Variants in GASK1B observed in about 807,000 individuals in gnomAD.
The protein encoded by GASK1B is golgi associated kinase 1B.
Under a neutral mutation model 42.8 loss-of-function variants are expected in GASK1B, and 34 were observed. The observed-to-expected ratio is 0.79, with a 90% CI of 0.60 to 1.06. GASK1B has a LOEUF of 1.06. GASK1B is among the 50% of genes least tolerant of loss of function. The pLI is 0.00. For synonymous variants in GASK1B, 262 were observed against 259.1 expected (o/e 1.01, Z -0.11); for missense variants, 686 against 661.0 (o/e 1.04, Z -0.42).
intron 2 of GASK1B, among the ~76,000 whole-genome samples, chr4:158,165,981 T>C (rs1472750655): frequency 6.6e-6 from 1 of 152,212 alleles, no homozygotes; most frequent in Non-Finnish European, 1.5e-5. Context: ...AATACTTCAT[T>C]ATTGCACACA....
At chr4:158,165,357 T>C (rs1223485790) in intron 2 of GASK1B, among the ~76,000 whole-genome samples, 3 of 152,196 alleles carry the variant, frequency 2.0e-5, no homozygotes, top group African/African-American at 7.2e-5. Context: ...ATTATCGAAA[T>C]GTATCAGGAC....
chr4:158,153,203 C>G (rs1731624012), intron 3 of GASK1B, among the ~76,000 whole-genome samples: 1 of 152,138 alleles, frequency 6.6e-6, no homozygotes. Context: ...TATACACCAA[C>G]AGCAACCAAG....
intron 3 of GASK1B, among the ~76,000 whole-genome samples, chr4:158,148,443 T>C (rs892415354): frequency 3.3e-5 from 5 of 152,228 alleles, no homozygotes; most frequent in African/African-American, 1.2e-4. Context: ...CATTTTGCAC[T>C]GTGGGAAATA....
chr4:158,163,234 T>C (rs1457507235), intron 2 of GASK1B, among the ~76,000 whole-genome samples: 4 of 152,184 alleles, frequency 2.6e-5, no homozygotes, highest in Non-Finnish European at 5.9e-5. Flanking sequence ...AAGCATATCA[T>C]AAAGAGCTAC....
In GASK1B at chr4:158,170,666, GGCCGGAGCCCT is replaced by G. The variant is rs1732457744; in HGVS notation, c.699_709del (p.Gly234CysfsTer4). On this transcript the variant is annotated frameshift_variant, in exon 2 of 5. Transcript: ENST00000585682. LOFTEE classifies it high-confidence loss of function. ...ACGGGCTCCGCTCCTAGAGGACACA[GGCCGGAGCCCT>G]GCCACTGCGCTGTCCGCCAAGAGTC... 1.2e-6 allele frequency: 2 copies of G among 1,613,966 alleles called. No individual in the cohort carries two copies. The highest frequency in any genetic ancestry group is 1.7e-6 in the Non-Finnish European group (2 of 1,180,054).
chr4:158,152,711 A>C (rs982926529), intron 3 of GASK1B, among the ~76,000 whole-genome samples: 12 of 152,200 alleles, frequency 7.9e-5, no homozygotes, highest in African/African-American at 2.9e-4. Context: ...CAAGTCAATA[A>C]ATGAGATACA....
At chr4:158,133,537 T>G (rs1730765010) in intron 3 of GASK1B, among the ~76,000 whole-genome samples, 1 of 152,196 alleles carries the variant, frequency 6.6e-6, no homozygotes, top group Non-Finnish European at 1.5e-5. Context: ...TGTTAAATAA[T>G]AAGCTCTTTA....
In GASK1B at chr4:158,128,384, G is replaced by A. The variant is rs73857583; in HGVS notation, c.1353-770C>T. On this transcript the variant is annotated intron_variant, in intron 4 of 4. Transcript: ENST00000585682. ...GAATGCATTGTGCTTGCTTTTCTTC[G>A]TTTAGAAAGCCAGGAGTCCAGCATA... Among the ~76,000 whole-genome samples, 1,308 of 152,200 alleles carry A rather than the reference G, an allele frequency of 8.6e-3. 23 individuals are homozygous for A. The highest frequency in any genetic ancestry group is 0.028 in the African/African-American group (1,147 of 41,512).
intron 4 of GASK1B, among the ~76,000 whole-genome samples, chr4:158,128,712 G>A (rs1308057228): frequency 6.6e-6 from 1 of 152,188 alleles, no homozygotes; most frequent in East Asian, 1.9e-4. Flanking sequence ...AGGATCAGGT[G>A]CTCCAGCAGT....
At chr4:158,139,215 C>T (rs1731023629) in intron 3 of GASK1B, among the ~76,000 whole-genome samples, 1 of 152,208 alleles carries the variant, frequency 6.6e-6, no homozygotes, top group Non-Finnish European at 1.5e-5. Context: ...TTCTTGCTTT[C>T]ATGAAGATTA....
intron 3 of GASK1B, among the ~76,000 whole-genome samples, chr4:158,145,263 T>C (rs1731288057): frequency 6.6e-6 from 1 of 152,200 alleles, no homozygotes; most frequent in Non-Finnish European, 1.5e-5. Context: ...AGGACAAAGA[T>C]GAACACCTCT....
At chr4:158,152,033 A>G (rs759734506) in intron 3 of GASK1B, among the ~76,000 whole-genome samples, 7 of 152,228 alleles carry the variant, frequency 4.6e-5, no homozygotes, top group Non-Finnish European at 1.0e-4. Context: ...TCCAGTCTTC[A>G]TCTTTCTCCC....
chr4:158,135,181 C>T (rs1271909694), intron 3 of GASK1B, among the ~76,000 whole-genome samples: 2 of 151,576 alleles, frequency 1.3e-5, no homozygotes, highest in African/African-American at 2.4e-5. Flanking sequence ...AGATACCGGG[C>T]GTGGTGGCAC....
At chr4:158,165,628 T>G (rs556791577) in intron 2 of GASK1B, among the ~76,000 whole-genome samples, 4 of 152,192 alleles carry the variant, frequency 2.6e-5, no homozygotes, top group Non-Finnish European at 5.9e-5. Context: ...AATGTTGGCA[T>G]AGTGGTAAAA....
In GASK1B at chr4:158,155,735, G is replaced by T. The variant is rs753848768; in HGVS notation, c.1001C>A (p.Thr334Asn). The stretch of plus-strand genomic sequence containing the variant: ...TTTCTGTTTCAGCAACTGCTGATAA[G>T]TTCCCCAGGTGAGCTTAACAGAAGA... ...THSSVKLTWG[T>N]YQQLLKQKCW... The change falls in exon 3 of 5, where the codon ACT becomes AAT. Residue 334 changes from threonine (T) to asparagine (N), a missense_variant. Coordinates refer to ENST00000585682, the MANE Select transcript of GASK1B (RefSeq NM_001128424.2). The T allele has an allele frequency of 3.1e-6, 5 of 1,613,756 alleles. No individual in the cohort carries two copies. In the African/African-American group the frequency reaches 5.3e-5, roughly 17 times the overall value.
Position 158,125,445 on chromosome 4 carries a change from A to C in GASK1B, c.*1962T>G, listed in dbSNP as rs1329176362. ...AATGTTTTAAGCAGTAAAAATGCAA[A>C]TATGCCACCTTGGTAAGACAGGATG... On this transcript the variant is annotated 3_prime_UTR_variant, in exon 5 of 5. Coordinates refer to ENST00000585682, the MANE Select transcript of GASK1B (RefSeq NM_001128424.2). The C allele has an allele frequency of 6.6e-6, 1 of 152,174 alleles. No homozygotes were observed. Among genetic ancestry groups the C allele is most frequent in the Non-Finnish European group, 1.5e-5 (1 of 68,024 alleles). The allele number at this position is 152,174 out of a possible 1,614,324, so 9.4% of individuals were successfully genotyped here. A position where few individuals can be genotyped will look rare whatever the true frequency, so the allele number is the denominator to read the frequency against.
chr4:158,156,499 G>C (rs548636641), intron 2 of GASK1B, among the ~76,000 whole-genome samples: 1 of 152,240 alleles, frequency 6.6e-6, no homozygotes, highest in African/African-American at 2.4e-5. Flanking sequence ...CATGTTCATA[G>C]ATGATCTTTT....
chr4:158,140,080 T>C (rs1374444344), intron 3 of GASK1B, among the ~76,000 whole-genome samples: 1 of 152,228 alleles, frequency 6.6e-6, no homozygotes, highest in East Asian at 1.9e-4. Context: ...TGACCACCGG[T>C]ATAGTTTGGT....
intron 2 of GASK1B, chr4:158,168,723 A>G (rs1226106035): frequency 1.3e-5 from 2 of 152,182 alleles, no homozygotes; most frequent in East Asian, 3.9e-4. Context: ...CTCCCAATAC[A>G]GTAGTCTAAG....
Sources: gnomAD v4.1 joint callset for allele counts (sites outside exome capture counted in the v4.1 genomes callset) on GRCh38, gnomAD v4.1.1 for gene constraint, MANE v1.5 for transcripts, NCBI Gene and HGNC (gene_info 2026-07-23, HGNC 2026-07-21) for gene names.